The following KCNH7 variants were observed in gnomAD, a reference collection of about 807,000 sequenced individuals.
The protein encoded by KCNH7 is potassium voltage-gated channel subfamily H member 7.
Under a neutral mutation model 120.8 loss-of-function variants are expected in KCNH7, and 49 were observed. The ratio of observed to expected loss-of-function variants is 0.41; its 90% CI spans 0.32 to 0.51. The LOEUF is 0.51. Ranked by LOEUF, KCNH7 falls within the 20% of genes least tolerant of loss-of-function variation. The probability of loss-of-function intolerance (pLI) is 0.38; values close to 1 mark genes in which losing one functional copy is unlikely to be tolerated. For synonymous variants in KCNH7, 547 were observed against 516.1 expected, an observed-to-expected ratio of 1.06 and a Z score of -0.81; for missense variants, 1,097 against 1,446.6, an observed-to-expected ratio of 0.76 and a Z score of 3.92.
chr2:162,794,112 T>G (rs1424677355), intron 2 of KCNH7, among the ~76,000 whole-genome samples: 1 of 151,984 alleles, frequency 6.6e-6, no homozygotes, highest in Non-Finnish European at 1.5e-5. Context: ...AAAATTTACC[T>G]GTTTCTCATT....
intron 2 of KCNH7, among the ~76,000 whole-genome samples, chr2:162,721,884 C>G (rs150037557): frequency 3.3e-4 from 50 of 152,060 alleles, no homozygotes; most frequent in African/African-American, 1.1e-3. Context: ...GGCGGAATAA[C>G]TTTAAGTCCT....
intron 15 of KCNH7, among the ~76,000 whole-genome samples, chr2:162,373,035 C>T (rs966260458): frequency 6.6e-6 from 1 of 152,128 alleles, no homozygotes; most frequent in Non-Finnish European, 1.5e-5. Flanking sequence ...TCCTCCCCTT[C>T]CTTCCTGAGA....
intron 2 of KCNH7, among the ~76,000 whole-genome samples, chr2:162,607,468 T>A (rs1682821003): frequency 6.6e-6 from 1 of 152,094 alleles, no homozygotes; most frequent in African/African-American, 2.4e-5. Context: ...GACTAAAAAT[T>A]TAATTTTTTT....
intron 2 of KCNH7, among the ~76,000 whole-genome samples, chr2:162,826,458 G>C (rs1009221072): frequency 1.3e-5 from 2 of 152,100 alleles, no homozygotes; most frequent in Non-Finnish European, 2.9e-5. Context: ...ACTAAGAAGA[G>C]TGATTTGTTA....
At chr2:162,440,776 T>C (rs1688392573) in intron 7 of KCNH7, among the ~76,000 whole-genome samples, 1 of 152,124 alleles carries the variant, frequency 6.6e-6, no homozygotes, top group Admixed American at 6.5e-5. Context: ...TGTTTTGTTT[T>C]ATAATTAACA....
chr2:162,551,111 C>T (rs921169663), intron 2 of KCNH7, among the ~76,000 whole-genome samples: 1 of 151,988 alleles, frequency 6.6e-6, no homozygotes, highest in Non-Finnish European at 1.5e-5. Context: ...TTGCCAAGAT[C>T]AAATTCAACA....
intron 2 of KCNH7, among the ~76,000 whole-genome samples, chr2:162,739,989 T>C (rs1298896084): frequency 6.6e-6 from 1 of 152,146 alleles, no homozygotes; most frequent in Admixed American, 6.5e-5. Context: ...AGGAGCCAAG[T>C]AGTTCACAGA....
chr2:162,468,627 T>A (rs1689389532), intron 6 of KCNH7, among the ~76,000 whole-genome samples: 1 of 149,724 alleles, frequency 6.7e-6, no homozygotes, highest in Non-Finnish European at 1.5e-5. Context: ...CTCAAGCGAT[T>A]CTCCTGCCTC....
chr2:162,492,730 C>T (rs546767800), intron 6 of KCNH7, among the ~76,000 whole-genome samples: 32 of 152,074 alleles, frequency 2.1e-4, no homozygotes, highest in Admixed American at 1.4e-3. Flanking sequence ...AAATATTGGC[C>T]GCTTTGCATG....
At chr2:162,613,685 CAA>C (rs1683046809) in intron 2 of KCNH7, among the ~76,000 whole-genome samples, 1 of 151,302 alleles carries the variant, frequency 6.6e-6, no homozygotes, top group Admixed American at 6.6e-5. Context: ...AACAAACAAA[CAA>C]AAAACCCATC....
chr2:162,809,668 T>C (rs1361159078), intron 2 of KCNH7, among the ~76,000 whole-genome samples: 1 of 152,120 alleles, frequency 6.6e-6, no homozygotes, highest in African/African-American at 2.4e-5. Flanking sequence ...TATTTTTCTT[T>C]TAGGACAAGG....
At chr2:162,754,182 T>C (rs929899378) in intron 2 of KCNH7, among the ~76,000 whole-genome samples, 14 of 151,454 alleles carry the variant, frequency 9.2e-5, no homozygotes, top group Admixed American at 1.3e-4. Flanking sequence ...TAACAAAGGG[T>C]GAATTTGAGA....
intron 2 of KCNH7, among the ~76,000 whole-genome samples, chr2:162,692,543 G>A (rs1354380586): frequency 6.6e-6 from 1 of 152,122 alleles, no homozygotes. Flanking sequence ...CTGTGTGACA[G>A]CGAGAAACAG....
At chr2:162,554,944 C>T (rs1226782112) in intron 2 of KCNH7, among the ~76,000 whole-genome samples, 1 of 152,208 alleles carries the variant, frequency 6.6e-6, no homozygotes, top group Non-Finnish European at 1.5e-5. Context: ...CTTTGTAACA[C>T]TTCTAGAAAG....
chr2:162,474,298 G>C (rs1403844876), intron 6 of KCNH7, among the ~76,000 whole-genome samples: 1 of 152,110 alleles, frequency 6.6e-6, no homozygotes, highest in Admixed American at 6.6e-5. Context: ...TGTATATAAA[G>C]GGTCATAATA....
At chr2:162,748,662 A>G (rs1688399224) in intron 2 of KCNH7, among the ~76,000 whole-genome samples, 1 of 152,178 alleles carries the variant, frequency 6.6e-6, no homozygotes, top group African/African-American at 2.4e-5. Flanking sequence ...AATGGAATGA[A>G]TCTTCTGATA....
intron 6 of KCNH7, among the ~76,000 whole-genome samples, chr2:162,469,619 G>A (rs927110727): frequency 2.0e-5 from 3 of 152,108 alleles, no homozygotes; most frequent in Non-Finnish European, 2.9e-5. Context: ...TGGTCCTCGA[G>A]CCTTTTTTAT....
chr2:162,653,010 A>T (rs752266740), intron 2 of KCNH7, among the ~76,000 whole-genome samples: 1 of 152,168 alleles, frequency 6.6e-6, no homozygotes, highest in Non-Finnish European at 1.5e-5. Flanking sequence ...ACTTTTTCTC[A>T]TCTAATCCTC....
At chr2:162,774,394 T>A (rs1018457941) in intron 2 of KCNH7, among the ~76,000 whole-genome samples, 5 of 152,322 alleles carry the variant, frequency 3.3e-5, no homozygotes, top group African/African-American at 1.2e-4. Context: ...AGGAATTGGA[T>A]AGAAACATTC....
Sources: allele counts gnomAD v4.1 joint callset (sites outside exome capture counted in the v4.1 genomes callset), GRCh38; gene constraint gnomAD v4.1.1; transcripts MANE v1.5; gene names NCBI Gene and HGNC (gene_info 2026-07-23, HGNC 2026-07-21).